The following FNBP1L variants were observed in gnomAD, a reference collection of about 807,000 sequenced individuals.
FNBP1L encodes formin-binding protein 1-like.
A neutral mutation model predicts 91.2 loss-of-function variants in FNBP1L; 36 were observed. The ratio of observed to expected loss-of-function variants is 0.39; its 90% CI spans 0.30 to 0.52. The LOEUF (loss-of-function observed/expected upper bound fraction) is 0.52, where lower values mean the gene tolerates loss of function less well. Ranked by LOEUF, FNBP1L falls within the 20% of genes least tolerant of loss-of-function variation. The pLI is 0.66. For synonymous variants in FNBP1L, 242 were observed against 237.0 expected, an observed-to-expected ratio of 1.02 and a Z score of -0.19; for missense variants, 571 against 732.1, an observed-to-expected ratio of 0.78 and a Z score of 2.54.
chr1:93,454,546 G>T (rs1668596154), intron 1 of FNBP1L, among the ~76,000 whole-genome samples: 1 of 151,980 alleles, frequency 6.6e-6, no homozygotes, highest in Non-Finnish European at 1.5e-5. Context: ...ATATTTGAAG[G>T]ATGTTATTTC....
At position 93,553,939 on chromosome 1, in the gene FNBP1L, A is replaced by G. The variant is rs1348064467; in HGVS notation, c.*1523A>G. On this transcript the variant is annotated 3_prime_UTR_variant, in exon 17 of 17. Transcript: ENST00000271234. ...TTTGTGTATTATTGAATTTTAAGCA[A>G]TATTTTAGAAGCTGTGTGACTGCTT... The G allele has an allele frequency of 6.6e-6, 1 of 152,584 alleles. No homozygotes were observed. The highest frequency in any genetic ancestry group is 2.4e-5 in the African/African-American group (1 of 41,438). The allele number at this position is 152,584 out of a possible 1,614,324, so 9.5% of individuals were successfully genotyped here. A position where few individuals can be genotyped will look rare whatever the true frequency, so the allele number is the denominator to read the frequency against.
intron 1 of FNBP1L, among the ~76,000 whole-genome samples, chr1:93,449,543 A>G (rs977889008): frequency 2.0e-5 from 3 of 152,340 alleles, no homozygotes; most frequent in South Asian, 2.1e-4. Context: ...ACGTCTACTC[A>G]TAGATTGGGA....
chr1:93,448,790 G>A (rs1007504055), intron 1 of FNBP1L, among the ~76,000 whole-genome samples: 1 of 152,168 alleles, frequency 6.6e-6, no homozygotes, highest in Non-Finnish European at 1.5e-5. Context: ...GGGCTAGGGC[G>A]TCGCCCGTCT....
intron 3 of FNBP1L, 102 bp from the exon 4 acceptor site, chr1:93,523,242 G>T: frequency 8.3e-7 from 1 of 1,200,942 alleles, no homozygotes; most frequent in Non-Finnish European, 1.1e-6. Flanking sequence ...GATTTAGGTT[G>T]AATATGCTAA....
chr1:93,469,795 A>G (rs970651731), intron 1 of FNBP1L, among the ~76,000 whole-genome samples: 7 of 152,046 alleles, frequency 4.6e-5, no homozygotes, highest in African/African-American at 1.7e-4. Flanking sequence ...ATATAGCAAG[A>G]TCTTGTCTCT....
chr1:93,515,812 C>G (rs1318273924), intron 2 of FNBP1L, among the ~76,000 whole-genome samples: 1 of 151,766 alleles, frequency 6.6e-6, no homozygotes, highest in African/African-American at 2.4e-5. Context: ...ATACGTAATG[C>G]TAGATGACGA....
At chr1:93,485,067 C>T (rs1669852293) in intron 1 of FNBP1L, among the ~76,000 whole-genome samples, 1 of 151,202 alleles carries the variant, frequency 6.6e-6, no homozygotes, top group African/African-American at 2.4e-5. Context: ...AGGAGGATTG[C>T]TTGAGCCCAG....
intron 15 of FNBP1L, among the ~76,000 whole-genome samples, chr1:93,550,724 A>G (rs1397753183): frequency 6.6e-6 from 1 of 152,210 alleles, no homozygotes; most frequent in Non-Finnish European, 1.5e-5. Flanking sequence ...CATGGGGGTG[A>G]TGTTATCCAG....
intron 2 of FNBP1L, among the ~76,000 whole-genome samples, chr1:93,518,223 A>C (rs1285940923): frequency 6.6e-6 from 1 of 152,158 alleles, no homozygotes; most frequent in Non-Finnish European, 1.5e-5. Context: ...GCTTCACGTA[A>C]TAGAGTCATT....
chr1:93,530,921 A>T, intron 7 of FNBP1L, 38 bp downstream of exon 7: 1 of 1,461,518 alleles, frequency 6.8e-7, no homozygotes, highest in South Asian at 1.3e-5. Context: ...GTTTTAGATT[A>T]ACTGGTGTTT....
intron 1 of FNBP1L, among the ~76,000 whole-genome samples, chr1:93,474,388 G>T (rs1669419939): frequency 6.6e-6 from 1 of 152,230 alleles, no homozygotes; most frequent in Non-Finnish European, 1.5e-5. Context: ...ATGAAAGAAA[G>T]AGAGTGATTC....
rs1672278222 is a variant in FNBP1L at position 93,547,405 on chromosome 1, G to A, written c.1466G>A (p.Ser489Asn). ...TGGRGDRRHS[S>N]DINHLVTQGR... ...GGGAGAGGAGACAGAAGACATAGCA[G>A]TGACATAAATCATCTTGTAACACAG... The change falls in exon 14 of 17, where the codon AGT (serine) becomes AAT (asparagine). Residue 489 changes from serine to asparagine, a missense_variant. Ser to Asn is a conservative substitution (Grantham distance 46). Around this residue, in one of 5 missense-constraint regions of FNBP1L, gnomAD observed 189 missense variants for 219.7 expected, o/e 0.86. Coordinates refer to ENST00000271234, the MANE Select transcript of FNBP1L (RefSeq NM_001164473.3). 1 of 1,561,138 alleles carries A rather than the reference G, an allele frequency of 6.4e-7. No homozygotes were observed. Among genetic ancestry groups the A allele is most frequent in the East Asian group, 2.4e-5 (1 of 41,926 alleles).
intron 5 of FNBP1L, among the ~76,000 whole-genome samples, chr1:93,528,126 GAAAACATAGAAAAGGAAC>G (rs1671549599): frequency 6.6e-6 from 1 of 151,970 alleles, no homozygotes; most frequent in African/African-American, 2.4e-5. Context: ...CTAGAAAAGA[GAAAACATAGAAAAGGAAC>G]AAAACATAGA....
intron 12 of FNBP1L, among the ~76,000 whole-genome samples, chr1:93,546,500 A>G (rs1166021627): frequency 1.3e-5 from 2 of 152,078 alleles, no homozygotes; most frequent in Non-Finnish European, 2.9e-5. Context: ...GAATATAATG[A>G]GTTTGATTTG....
At chr1:93,524,581 CTTTTTT>C (rs34173735) in intron 5 of FNBP1L, among the ~76,000 whole-genome samples, 2 of 113,430 alleles carry the variant, frequency 1.8e-5, no homozygotes, top group Admixed American at 9.0e-5. Context: ...TAAGGAGATT[CTTTTTT>C]TTTTTTTTTT....
At chr1:93,549,223 A>G (rs1173615335) in intron 14 of FNBP1L, 55 bp from the exon 15 acceptor site, 3 of 1,393,022 alleles carry the variant, frequency 2.2e-6, no homozygotes, top group Non-Finnish European at 2.0e-6. Flanking sequence ...TATAAATAAT[A>G]TATAGAATTC....
intron 2 of FNBP1L, among the ~76,000 whole-genome samples, chr1:93,505,366 C>T (rs1180521435): frequency 6.6e-6 from 1 of 152,172 alleles, no homozygotes; most frequent in Non-Finnish European, 1.5e-5. Flanking sequence ...TAACCTGAGG[C>T]ATCCACCCTA....
At chr1:93,514,752 T>C (rs1168074250) in intron 2 of FNBP1L, among the ~76,000 whole-genome samples, 1 of 151,640 alleles carries the variant, frequency 6.6e-6, no homozygotes, top group East Asian at 1.9e-4. Context: ...CCTTACACCT[T>C]ATACAAAAAT....
At chr1:93,463,872 T>C (rs1668983270) in intron 1 of FNBP1L, among the ~76,000 whole-genome samples, 2 of 152,216 alleles carry the variant, frequency 1.3e-5, no homozygotes, top group African/African-American at 4.8e-5. Context: ...TTACATTCTT[T>C]CCTGAGATTC....
Sources: gnomAD v4.1 joint callset for allele counts (sites outside exome capture counted in the v4.1 genomes callset) on GRCh38, gnomAD v4.1.1 for gene constraint, gnomAD v4.1.1 regional missense constraint, MANE v1.5 for transcripts, NCBI Gene and HGNC (gene_info 2026-07-23, HGNC 2026-07-21) for gene names.